DLGAP2: variants seen among roughly 807,000 people sequenced by gnomAD.
DLGAP2 encodes the protein disks large-associated protein 2.
In DLGAP2, 26 loss-of-function variants were observed where a neutral mutation model predicts 100.3. The observed-to-expected ratio is 0.26, with a 90% CI of 0.19 to 0.36. The LOEUF (loss-of-function observed/expected upper bound fraction) is 0.36, where lower values mean the gene tolerates loss of function less well. Among genes scored for constraint, DLGAP2 ranks in the 10% least tolerant of loss-of-function variants. DLGAP2 has a pLI of 1.00. For synonymous variants in DLGAP2, 886 were observed against 630.1 expected (o/e 1.41, Z -6.08); for missense variants, 1,858 against 1,453.2 (o/e 1.28, Z -4.53).
intron 3 of DLGAP2, among the ~76,000 whole-genome samples, chr8:1,489,293 C>G (rs1353051584): frequency 6.6e-6 from 1 of 152,168 alleles, no homozygotes; most frequent in East Asian, 1.9e-4. Context: ...TCCTCACTGT[C>G]TGTGAGTCTC....
rs149764111 is a variant in DLGAP2 at position 917,726 on chromosome 8, G to A, written c.73+9760G>A. On this transcript the variant is annotated intron_variant, in intron 2 of 14. Transcript: ENST00000637795. ...CTCCTGAGTAGCTGGGATTACAGGG[G>A]TGTGCCACCACGCCTGGCTGATTTT... 2.4e-4 allele frequency among the ~76,000 whole-genome samples: 37 copies of A among 152,208 alleles called. 1 individual carries two copies. Among genetic ancestry groups the A allele is most frequent in the African/African-American group, 8.2e-4 (34 of 41,532 alleles).
At position 1,005,658 on chromosome 8, in the gene DLGAP2, G is replaced by A. The variant is rs79154792; in HGVS notation, c.73+97692G>A. 4.6e-5 allele frequency among the ~76,000 whole-genome samples: 7 copies of A among 151,206 alleles called. No homozygotes were observed. The East Asian group carries it at 1.4e-3, about 29-fold the overall frequency. On this transcript the variant is annotated intron_variant, in intron 2 of 14. Transcript: ENST00000637795. ...TGGTCTCAAATTCCTAGGTTCAAGT[G>A]ATTCTCCTGCCTTGGACTCCCAAAG...
Position 1,235,051 on chromosome 8 carries a change from A to G in DLGAP2, c.74-23800A>G, listed in dbSNP as rs901089203. Among the ~76,000 whole-genome samples the G allele has an allele frequency of 9.3e-5, 14 of 151,298 alleles. 1 individual carries two copies. The highest frequency in any genetic ancestry group is 2.2e-4 in the African/African-American group (9 of 41,082). On this transcript the variant is annotated intron_variant, in intron 2 of 14. Transcript: ENST00000637795. ...TTCTCTCTCACATGGCGCCATGTCT[A>G]GTTCTCTCACATGGCATCGTGTCTA... is the stretch of plus-strand genomic sequence containing the variant.
At chr8:1,478,519 A>T (rs1251298782) in intron 3 of DLGAP2, among the ~76,000 whole-genome samples, 1 of 151,974 alleles carries the variant, frequency 6.6e-6, no homozygotes, top group African/African-American at 2.4e-5. Flanking sequence ...TCCTTTCTCT[A>T]TTCCTCTCTC....
intron 2 of DLGAP2, among the ~76,000 whole-genome samples, chr8:959,800 A>G (rs1306978672): frequency 6.6e-6 from 1 of 152,212 alleles, no homozygotes; most frequent in Non-Finnish European, 1.5e-5. Flanking sequence ...ATATGACTAT[A>G]TTCTCATTTA....
intron 2 of DLGAP2, among the ~76,000 whole-genome samples, chr8:934,744 C>T (rs80057272): frequency 0.059 from 8,918 of 152,160 alleles, 383 homozygotes; most frequent in Admixed American, 0.12. Context: ...TGCCGGCTCT[C>T]GGGGAGATGG....
intron 1 of DLGAP2, among the ~76,000 whole-genome samples, chr8:795,293 A>G (rs1796000258): frequency 6.6e-6 from 1 of 152,180 alleles, no homozygotes; most frequent in Non-Finnish European, 1.5e-5. Context: ...TTTAATATCT[A>G]CTGCTGACTC....
rs952414380 is a variant in DLGAP2 at position 1,357,612 on chromosome 8, A to C, written c.106+98729A>C. Reference sequence around the variant, plus strand: ...TACAGTTCCCTGGAAAGCACGCTTTATAAACTCTTACACATTTTCAAAATA... The same window carrying C: ...TACAGTTCCCTGGAAAGCACGCTTTCTAAACTCTTACACATTTTCAAAATA... On this transcript the variant is annotated intron_variant, in intron 3 of 14. Transcript: ENST00000637795. Among the ~76,000 whole-genome samples, 2 of 152,160 alleles carry C rather than the reference A, an allele frequency of 1.3e-5. 1 individual carries two copies. The highest frequency in any genetic ancestry group is 2.9e-5 in the Non-Finnish European group (2 of 68,014).
At chr8:1,252,193 T>G (rs535893117) in intron 2 of DLGAP2, among the ~76,000 whole-genome samples, 4 of 150,816 alleles carry the variant, frequency 2.7e-5, no homozygotes, top group Non-Finnish European at 4.4e-5. Context: ...GTCACAGTCG[T>G]GTCATGTCAC....
At chr8:1,326,741 C>A (rs1476213177) in intron 3 of DLGAP2, among the ~76,000 whole-genome samples, 3 of 152,224 alleles carry the variant, frequency 2.0e-5, no homozygotes, top group Admixed American at 6.5e-5. Context: ...TTAGTTTCTT[C>A]TTCCTGTTTT....
At chr8:1,245,232 T>G (rs1798878716) in intron 2 of DLGAP2, among the ~76,000 whole-genome samples, 1 of 152,210 alleles carries the variant, frequency 6.6e-6, no homozygotes, top group Non-Finnish European at 1.5e-5. Context: ...ATAAATCCCA[T>G]TTCTTGGTAC....
intron 2 of DLGAP2, among the ~76,000 whole-genome samples, chr8:944,973 G>C (rs1339881920): frequency 2.0e-5 from 3 of 152,214 alleles, no homozygotes; most frequent in African/African-American, 7.2e-5. Context: ...CTAGTGATCT[G>C]TGGAGTGATA....
chr8:1,522,489 G>A (rs1369249467), intron 4 of DLGAP2, among the ~76,000 whole-genome samples: 2 of 152,156 alleles, frequency 1.3e-5, no homozygotes, highest in African/African-American at 4.8e-5. Context: ...CCTCACGCAC[G>A]GGTGCTGGGT....
chr8:1,579,906 G>A (rs1014459393), intron 6 of DLGAP2, among the ~76,000 whole-genome samples: 1 of 152,202 alleles, frequency 6.6e-6, no homozygotes, highest in African/African-American at 2.4e-5. Flanking sequence ...AGGCTGCTCT[G>A]GAGGAGGTAA....
intron 3 of DLGAP2, among the ~76,000 whole-genome samples, chr8:1,420,198 G>A (rs573417871): frequency 6.6e-6 from 1 of 152,226 alleles, no homozygotes; most frequent in South Asian, 2.1e-4. Context: ...GGCTCTCCAG[G>A]GTCCAGCTTG....
chr8:749,146 A>G lies in DLGAP2; in HGVS notation c.18+11321A>G, dbSNP rs546024318. On this transcript the variant is annotated intron_variant, in intron 1 of 14. Coordinates refer to ENST00000637795, the MANE Select transcript of DLGAP2 (RefSeq NM_001346810.2). ...CTTGAGTAGCTGGGACTACAGGTGCACACCACCACACTTTTAATATTTTCA... is the reference window on the plus strand; with the variant it reads ...CTTGAGTAGCTGGGACTACAGGTGCGCACCACCACACTTTTAATATTTTCA... Among the ~76,000 whole-genome samples the G allele has an allele frequency of 1.1e-4, 16 of 152,252 alleles. 1 individual carries two copies. The highest frequency in any genetic ancestry group is 3.4e-4 in the African/African-American group (14 of 41,528).
chr8:1,605,568 G>A (rs1034480326), intron 6 of DLGAP2, among the ~76,000 whole-genome samples: 2 of 152,100 alleles, frequency 1.3e-5, no homozygotes, highest in Admixed American at 6.6e-5. Context: ...GCCTCTTTAG[G>A]ATGAAATCTT....
chr8:1,318,790 C>A lies in DLGAP2; in HGVS notation c.106+59907C>A, dbSNP rs557785301. ...TTGTCAGTGATCAGCCCCCCCCCCG[C>A]CCCCTCGCCCATCCTTGGGGCCTCC... On this transcript the variant is annotated intron_variant, in intron 3 of 14. Transcript: ENST00000637795. 2.8e-4 allele frequency among the ~76,000 whole-genome samples: 35 copies of A among 123,970 alleles called. 1 individual carries two copies. Among genetic ancestry groups the A allele is most frequent in the Admixed American group, 2.8e-3 (34 of 12,096 alleles). 81.3% of individuals were successfully genotyped at this position (123,970 alleles called of 152,430 possible).
At chr8:844,565 C>T (rs1016683169) in intron 1 of DLGAP2, among the ~76,000 whole-genome samples, 1 of 152,212 alleles carries the variant, frequency 6.6e-6, no homozygotes, top group Non-Finnish European at 1.5e-5. Context: ...TACTGGTAGA[C>T]TACGGTCTCT....
Sources: gnomAD v4.1 joint callset for allele counts (sites outside exome capture counted in the v4.1 genomes callset) on GRCh38, gnomAD v4.1.1 for gene constraint, MANE v1.5 for transcripts, NCBI Gene and HGNC (gene_info 2026-07-23, HGNC 2026-07-21) for gene names.